The following SLC22A23 variants were observed in gnomAD, a reference collection of about 807,000 sequenced individuals.
SLC22A23 encodes the protein ion transporter protein.
SLC22A23 carries 26 observed loss-of-function variants against 61.0 expected under a neutral mutation model. The ratio of observed to expected loss-of-function variants is 0.43; its 90% CI spans 0.31 to 0.59. The LOEUF (loss-of-function observed/expected upper bound fraction) is 0.59, where lower values mean the gene tolerates loss of function less well. SLC22A23 is among the 20% of genes least tolerant of loss of function. SLC22A23 has a pLI of 0.11. For missense variants in SLC22A23, 796 were observed against 934.7 expected (o/e 0.85, Z 1.94); for synonymous variants, 430 against 413.9 (o/e 1.04, Z -0.47).
chr6:3,362,363 A>C (rs1001874454), intron 3 of SLC22A23, among the ~76,000 whole-genome samples: 1 of 145,828 alleles, frequency 6.9e-6, no homozygotes, highest in Non-Finnish European at 1.5e-5. Context: ...AGATCACACC[A>C]CTGCACTCCA....
At chr6:3,291,918 AAAG>A (rs1204160776) in intron 5 of SLC22A23, 1 of 152,254 alleles carries the variant, frequency 6.6e-6, no homozygotes, top group African/African-American at 2.4e-5. Context: ...GTATGATGTT[AAAG>A]AAGCAATAAC....
intron 8 of SLC22A23, 117 bp from the exon 9 acceptor site, chr6:3,284,092 G>T (rs559914108): frequency 1.9e-6 from 2 of 1,061,168 alleles, no homozygotes; most frequent in Non-Finnish European, 2.7e-6. Context: ...CGGCATGGAT[G>T]GGTATGCAAT....
chr6:3,448,043 C>T (rs1235238747), intron 1 of SLC22A23, among the ~76,000 whole-genome samples: 1 of 151,718 alleles, frequency 6.6e-6, no homozygotes, highest in Non-Finnish European at 1.5e-5. Flanking sequence ...GCTGGGATTA[C>T]AGGCACCCAC....
At chr6:3,278,727 G>T (rs1759141499) in intron 9 of SLC22A23, among the ~76,000 whole-genome samples, 1 of 152,222 alleles carries the variant, frequency 6.6e-6, no homozygotes, top group Non-Finnish European at 1.5e-5. Flanking sequence ...ACCTAAAATA[G>T]CCAATTAAGT....
At position 3,286,947 on chromosome 6, in the gene SLC22A23, C is replaced by T. The variant is rs774294608; in HGVS notation, c.1458G>A (p.Val486=). ...ALVSCLAMCV[V]VRFLGRRGGL... Reference sequence around the variant, plus strand: ...CTCCCCTGCGCCCGAGGAATCGGACCACCACGCACATGGCCAGGCAGGACA... The same window carrying T: ...CTCCCCTGCGCCCGAGGAATCGGACTACCACGCACATGGCCAGGCAGGACA... Residue 486 remains valine, a synonymous_variant, in exon 7 of 10, where the codon GTG becomes GTA. Coordinates refer to ENST00000406686, the MANE Select transcript of SLC22A23 (RefSeq NM_015482.2). This position sits in a 1 kb window ranked among gnomAD's most constrained non-coding sequence, Gnocchi z 4.2. 6.2e-6 allele frequency: 10 copies of T among 1,613,938 alleles called. No homozygotes were observed. The African/African-American group carries it at 1.3e-4, about 22-fold the overall frequency.
intron 1 of SLC22A23, among the ~76,000 whole-genome samples, chr6:3,453,091 G>T (rs1366631098): frequency 5.3e-5 from 8 of 152,180 alleles, no homozygotes; most frequent in Non-Finnish European, 8.8e-5. Context: ...ACAGGGCCTG[G>T]CTGGGTTGGA....
intron 3 of SLC22A23, among the ~76,000 whole-genome samples, chr6:3,378,574 C>A (rs1423751292): frequency 6.6e-6 from 1 of 151,872 alleles, no homozygotes; most frequent in Non-Finnish European, 1.5e-5. Flanking sequence ...AAGTTCTCAC[C>A]CTGGCTCAGA....
At position 3,288,619 on chromosome 6, in the gene SLC22A23, G is replaced by A. The variant is rs76761705; in HGVS notation, c.1313+1145C>T. Among the ~76,000 whole-genome samples the A allele has an allele frequency of 7.1e-3, 1,081 of 152,320 alleles. 12 individuals carry two copies. Among genetic ancestry groups the A allele is most frequent in the Middle Eastern group, 0.068 (20 of 294 alleles). ...ACAGAGCCAGAGAGCTCGGTTCCCC[G>A]TCTCCACAAAACGAATCATTAAAAT... On this transcript the variant is annotated intron_variant, in intron 6 of 9. Coordinates refer to ENST00000406686, the MANE Select transcript of SLC22A23 (RefSeq NM_015482.2).
intron 3 of SLC22A23, among the ~76,000 whole-genome samples, chr6:3,346,452 G>A (rs1411898294): frequency 6.6e-6 from 1 of 152,094 alleles, no homozygotes; most frequent in Non-Finnish European, 1.5e-5. Context: ...AGTCCAGCCA[G>A]CTTCCTCCCT....
At chr6:3,279,783 G>A (rs566674773) in intron 9 of SLC22A23, among the ~76,000 whole-genome samples, 7 of 152,146 alleles carry the variant, frequency 4.6e-5, no homozygotes, top group Admixed American at 2.6e-4. Context: ...CTTGATTTAC[G>A]GACAGAGAAC....
chr6:3,273,921 T>TAA (rs35081041), intron 9 of SLC22A23, among the ~76,000 whole-genome samples: 1 of 152,192 alleles, frequency 6.6e-6, no homozygotes, highest in Non-Finnish European at 1.5e-5. Flanking sequence ...CAAGATACTT[T>TAA]AAAAGAGTAG....
chr6:3,295,966 G>T (rs1761050227), intron 5 of SLC22A23, among the ~76,000 whole-genome samples: 1 of 152,188 alleles, frequency 6.6e-6, no homozygotes, highest in African/African-American at 2.4e-5. Context: ...CATAAGCAAA[G>T]AAATAAATTT....
intron 3 of SLC22A23, among the ~76,000 whole-genome samples, chr6:3,326,663 T>C (rs886992448): frequency 1.1e-4 from 16 of 152,340 alleles, no homozygotes; most frequent in Admixed American, 5.2e-4. Flanking sequence ...TATTTTAGCA[T>C]TGCTGCCTAG....
rs1315364553 is a variant in SLC22A23 at position 3,410,838 on chromosome 6, G to A, written c.759-496C>T. On this transcript the variant is annotated intron_variant, in intron 2 of 9. Transcript: ENST00000406686. The surrounding 1 kb of genome is among the most constrained non-coding windows in gnomAD (Gnocchi z 5.0). ...CTGATCCTACACACAGCCTATCCGA[G>A]CCAGGGCCAAGCCATCTGTCAATTT... Among the ~76,000 whole-genome samples, 6 of 152,100 alleles carry A rather than the reference G, an allele frequency of 3.9e-5. No individual in the cohort carries two copies. The highest frequency in any genetic ancestry group is 3.9e-4 in the Admixed American group (6 of 15,278).
At chr6:3,409,314 A>T (rs768974435) in intron 3 of SLC22A23, among the ~76,000 whole-genome samples, 50 of 152,328 alleles carry the variant, frequency 3.3e-4, no homozygotes, top group Non-Finnish European at 6.3e-4. Flanking sequence ...TCCTGAATGG[A>T]TTATATTTCT....
intron 3 of SLC22A23, among the ~76,000 whole-genome samples, chr6:3,336,070 A>C (rs1487823718): frequency 1.3e-5 from 2 of 150,720 alleles, no homozygotes; most frequent in Non-Finnish European, 2.9e-5. Context: ...GCCTGGGCGA[A>C]AGAGCGAGAC....
At position 3,386,803 on chromosome 6, in the gene SLC22A23, T is replaced by C. The variant is rs1452099456; in HGVS notation, c.913+23385A>G. On this transcript the variant is annotated intron_variant, in intron 3 of 9. Coordinates refer to ENST00000406686, the MANE Select transcript of SLC22A23 (RefSeq NM_015482.2). This position sits in a 1 kb window ranked among gnomAD's most constrained non-coding sequence, Gnocchi z 4.4. ...GGACATCTGGAAAGTCTGCATACTC[T>C]GATGCTGACACACGGACCTGGCAGC... Among the ~76,000 whole-genome samples the C allele has an allele frequency of 6.6e-6, 1 of 152,206 alleles. No individual in the cohort carries two copies. Among genetic ancestry groups the C allele is most frequent in the Non-Finnish European group, 1.5e-5 (1 of 68,026 alleles).
intron 5 of SLC22A23, among the ~76,000 whole-genome samples, chr6:3,294,956 A>G (rs3935358): frequency 0.2 from 31,139 of 152,216 alleles, 5,351 homozygotes; most frequent in African/African-American, 0.46. Flanking sequence ...ACGTACCTCC[A>G]GCCAGGCCCG....
intron 1 of SLC22A23, among the ~76,000 whole-genome samples, chr6:3,418,805 C>T (rs1251495732): frequency 3.9e-5 from 6 of 152,326 alleles, no homozygotes; most frequent in East Asian, 3.9e-4. Flanking sequence ...CCTGGGGATC[C>T]GCCTGCAACA....
Sources: allele counts gnomAD v4.1 joint callset (sites outside exome capture counted in the v4.1 genomes callset), GRCh38; gene constraint gnomAD v4.1.1; non-coding constraint Gnocchi (gnomAD v3.1); transcripts MANE v1.5; gene names NCBI Gene and HGNC (gene_info 2026-07-23, HGNC 2026-07-21).